GPC5: variants seen among roughly 807,000 people sequenced by gnomAD.
GPC5 encodes the protein glypican-5.
Under a neutral mutation model 53.9 loss-of-function variants are expected in GPC5, and 47 were observed. That is an observed-to-expected ratio of 0.87 (90% CI 0.69 to 1.11). GPC5 has a LOEUF of 1.11. GPC5 is among the 50% of genes most tolerant of loss of function. The pLI, the probability that GPC5 is intolerant of heterozygous loss-of-function variation, is 0.00. For missense variants in GPC5, 748 were observed against 713.1 expected, an observed-to-expected ratio of 1.05 and a Z score of -0.56; for synonymous variants, 286 against 263.3, an observed-to-expected ratio of 1.09 and a Z score of -0.84.
intron 7 of GPC5, among the ~76,000 whole-genome samples, chr13:92,729,268 TATC>T (rs1431285717): frequency 6.6e-6 from 1 of 151,364 alleles, no homozygotes; most frequent in African/African-American, 2.4e-5. Context: ...TCACACAAAT[TATC>T]ATCTTTCCTT....
At chr13:91,764,138 T>C (rs781715468) in intron 5 of GPC5, among the ~76,000 whole-genome samples, 3 of 152,204 alleles carry the variant, frequency 2.0e-5, no homozygotes, top group Non-Finnish European at 2.9e-5. Flanking sequence ...CCAACTGTAA[T>C]ACAGGAGATG....
intron 6 of GPC5, among the ~76,000 whole-genome samples, chr13:92,033,309 G>A (rs893120059): frequency 5.9e-5 from 9 of 152,068 alleles, no homozygotes; most frequent in African/African-American, 1.9e-4. Context: ...AAAAATCTCA[G>A]AGACATGTAA....
At chr13:91,847,880 G>T (rs535419405) in intron 5 of GPC5, among the ~76,000 whole-genome samples, 1 of 152,184 alleles carries the variant, frequency 6.6e-6, no homozygotes, top group Admixed American at 6.5e-5. Context: ...AATTTTTGAA[G>T]AATATTATTT....
At chr13:92,381,890 TATATATAATCATATATATGATATATATAA>T (rs2043746894) in intron 7 of GPC5, among the ~76,000 whole-genome samples, 2 of 43,730 alleles carry the variant, frequency 4.6e-5, no homozygotes, top group African/African-American at 1.5e-4. Context: ...TTATATATAT[TATATATAATCATATATATGATATATATAA>T]TCATATATAT....
intron 7 of GPC5, among the ~76,000 whole-genome samples, chr13:92,466,369 T>G (rs1878691866): frequency 6.6e-6 from 1 of 152,016 alleles, no homozygotes; most frequent in Non-Finnish European, 1.5e-5. Context: ...AGGTCCCTCC[T>G]AGTTAGGTAT....
At chr13:91,579,554 A>C (rs1246395722) in intron 2 of GPC5, among the ~76,000 whole-genome samples, 1 of 149,532 alleles carries the variant, frequency 6.7e-6, no homozygotes, top group Admixed American at 6.6e-5. Flanking sequence ...TGTGCATCCT[A>C]GTGTTCTTAC....
chr13:91,455,419 T>A (rs1299333677), intron 2 of GPC5, among the ~76,000 whole-genome samples: 1 of 152,160 alleles, frequency 6.6e-6, no homozygotes, highest in East Asian at 1.9e-4. Context: ...TGTTGTATCT[T>A]GTTTTCTAAA....
intron 2 of GPC5, among the ~76,000 whole-genome samples, chr13:91,449,211 C>T (rs1009745538): frequency 2.0e-5 from 3 of 152,044 alleles, no homozygotes; most frequent in Non-Finnish European, 2.9e-5. Flanking sequence ...CATTCTGACT[C>T]ATAGCTGTAC....
chr13:91,476,043 T>C (rs1194235404), intron 2 of GPC5, among the ~76,000 whole-genome samples: 1 of 152,244 alleles, frequency 6.6e-6, no homozygotes, highest in African/African-American at 2.4e-5. Flanking sequence ...TCATGTGATA[T>C]GCTAAAAGCA....
intron 7 of GPC5, among the ~76,000 whole-genome samples, chr13:92,197,344 G>A (rs2042264005): frequency 6.6e-6 from 1 of 152,108 alleles, no homozygotes; most frequent in Non-Finnish European, 1.5e-5. Flanking sequence ...TATATCTATA[G>A]AACGTCTATA....
At chr13:92,412,871 C>G (rs1038196993) in intron 7 of GPC5, among the ~76,000 whole-genome samples, 1 of 152,070 alleles carries the variant, frequency 6.6e-6, no homozygotes, top group Admixed American at 6.5e-5. Context: ...AAAAGCTTTT[C>G]CAAATTAAAA....
chr13:92,751,563 T>C (rs918391454), intron 7 of GPC5, among the ~76,000 whole-genome samples: 9 of 119,072 alleles, frequency 7.6e-5, no homozygotes, highest in Non-Finnish European at 1.1e-4. Flanking sequence ...TTCTAAATTG[T>C]GCAGTGGGGA....
At chr13:92,390,951 G>T (rs1426067261) in intron 7 of GPC5, among the ~76,000 whole-genome samples, 3 of 151,972 alleles carry the variant, frequency 2.0e-5, no homozygotes, top group Non-Finnish European at 4.4e-5. Context: ...CTGATAATTA[G>T]AATAGGATTT....
At position 91,736,227 on chromosome 13, in the gene GPC5, T is replaced by A. The variant is rs141978366; in HGVS notation, c.1154+7562T>A. Among the ~76,000 whole-genome samples, 108 of 151,448 alleles carry A rather than the reference T, an allele frequency of 7.1e-4. 6 individuals are homozygous for A. Among genetic ancestry groups the A allele is most frequent in the African/African-American group, 2.5e-3 (102 of 40,798 alleles). On this transcript the variant is annotated intron_variant, in intron 4 of 7. Coordinates refer to ENST00000377067, the MANE Select transcript of GPC5 (RefSeq NM_004466.6). ...TGTTCAAGGGTAAATTGTGATAGTATGGCAGGAATTGAGGAATATGCTTAA... is the reference window on the plus strand; with the variant it reads ...TGTTCAAGGGTAAATTGTGATAGTAAGGCAGGAATTGAGGAATATGCTTAA...
intron 5 of GPC5, among the ~76,000 whole-genome samples, chr13:91,861,187 G>A (rs1261313743): frequency 6.6e-6 from 1 of 152,180 alleles, no homozygotes; most frequent in African/African-American, 2.4e-5. Flanking sequence ...TGTAAATTTA[G>A]CATTTTAAGT....
intron 2 of GPC5, among the ~76,000 whole-genome samples, chr13:91,554,018 T>A (rs2030799768): frequency 6.6e-6 from 1 of 152,038 alleles, no homozygotes; most frequent in South Asian, 2.1e-4. Flanking sequence ...TAAATTTCCC[T>A]CTACATTCAA....
chr13:92,214,008 T>C (rs1461961082), intron 7 of GPC5, among the ~76,000 whole-genome samples: 1 of 152,210 alleles, frequency 6.6e-6, no homozygotes, highest in African/African-American at 2.4e-5. Context: ...TTCTCTTCTT[T>C]TCAAGAGCCT....
intron 5 of GPC5, among the ~76,000 whole-genome samples, chr13:91,876,165 A>C: frequency 6.6e-6 from 1 of 152,172 alleles, no homozygotes; most frequent in East Asian, 1.9e-4. Flanking sequence ...CTGTAAGTCC[A>C]CTTAAACTTC....
At chr13:92,039,814 A>G (rs763058811) in intron 6 of GPC5, among the ~76,000 whole-genome samples, 5 of 152,082 alleles carry the variant, frequency 3.3e-5, no homozygotes, top group Non-Finnish European at 7.3e-5. Flanking sequence ...AAAATCAGTC[A>G]TATTGGATTA....
Sources: gnomAD v4.1 joint callset for allele counts (sites outside exome capture counted in the v4.1 genomes callset) on GRCh38, gnomAD v4.1.1 for gene constraint, MANE v1.5 for transcripts, NCBI Gene and HGNC (gene_info 2026-07-23, HGNC 2026-07-21) for gene names.